CDC26: variants seen among roughly 807,000 people sequenced by gnomAD.
The protein encoded by CDC26 is anaphase-promoting complex subunit CDC26.
In CDC26, 2 loss-of-function variants were observed where a neutral mutation model predicts 8.0. The observed-to-expected ratio is 0.25, with a 90% CI of 0.10 to 0.79. The LOEUF (loss-of-function observed/expected upper bound fraction) is 0.79. Among genes scored for constraint, CDC26 ranks in the 30% least tolerant of loss-of-function variants. CDC26 has a pLI of 0.70. For synonymous variants in CDC26, 19 were observed against 34.9 expected (o/e 0.55, Z 1.60); for missense variants, 68 against 106.0 (o/e 0.64, Z 1.57).
intron 1 of CDC26, among the ~76,000 whole-genome samples, chr9:113,274,998 T>C (rs761815383): frequency 6.6e-5 from 10 of 152,048 alleles, no homozygotes; most frequent in Admixed American, 1.3e-4. Flanking sequence ...TTCCTATCCA[T>C]CATCTTACTC....
At chr9:113,272,653 T>TA in intron 2 of CDC26, 105 bp from the exon 3 acceptor site, 1 of 584,498 alleles carries the variant, frequency 1.7e-6, no homozygotes, top group Non-Finnish European at 3.1e-6. Flanking sequence ...ATGGAAATAT[T>TA]AAAAATTTAT....
chr9:113,272,746 C>A (rs748919989), intron 2 of CDC26, among the ~76,000 whole-genome samples, 198 bp from the exon 3 acceptor site: 30 of 149,728 alleles, frequency 2.0e-4, no homozygotes, highest in Non-Finnish European at 2.7e-4. Context: ...GGCTGGAGTG[C>A]AGTGGCATGA....
intron 3 of CDC26, among the ~76,000 whole-genome samples, chr9:113,271,888 A>G (rs1831962896): frequency 1.3e-5 from 2 of 152,154 alleles, no homozygotes; most frequent in Admixed American, 1.3e-4. Flanking sequence ...CCCAGTGTGG[A>G]GTACAGTGGA....
chr9:113,269,075 GC>G (rs1157643067), intron 3 of CDC26, among the ~76,000 whole-genome samples: 2 of 152,134 alleles, frequency 1.3e-5, no homozygotes, highest in African/African-American at 2.4e-5. Context: ...TTAAAAATTA[GC>G]CAGGCATGGT....
At chr9:113,272,660 T>G (rs770220154) in intron 2 of CDC26, 112 bp from the exon 3 acceptor site, 1 of 594,930 alleles carries the variant, frequency 1.7e-6, no homozygotes, top group East Asian at 2.9e-5. Flanking sequence ...TATTAAAAAT[T>G]TATTTGAATT....
intron 1 of CDC26, among the ~76,000 whole-genome samples, chr9:113,273,736 C>T (rs943892507): frequency 2.7e-5 from 4 of 146,798 alleles, no homozygotes; most frequent in African/African-American, 1.0e-4. Context: ...CCTAGCTACT[C>T]AGGAGGCTGA....
Position 113,267,165 on chromosome 9 carries a change from T to G in CDC26, c.*98A>C. On this transcript the variant is annotated 3_prime_UTR_variant, in exon 4 of 4. Transcript: ENST00000374206. ...AGATTTGTCTCTGCAGGAGGTACATTCTGCTTGACTGCAAGCACTCAATTC... is the reference window on the plus strand; with the variant it reads ...AGATTTGTCTCTGCAGGAGGTACATGCTGCTTGACTGCAAGCACTCAATTC... 1.5e-6 allele frequency: 1 copy of G among 668,002 alleles called. No individual in the cohort carries two copies. The highest frequency in any genetic ancestry group is 2.4e-6 in the Non-Finnish European group (1 of 411,328). The allele number at this position is 668,002 out of a possible 1,614,324, so 41.4% of individuals were successfully genotyped here. A position where few individuals can be genotyped will look rare whatever the true frequency, so the allele number is the denominator to read the frequency against.
chr9:113,274,570 A>ATGC (rs1385882843), intron 1 of CDC26, among the ~76,000 whole-genome samples: 3 of 152,214 alleles, frequency 2.0e-5, no homozygotes, highest in Admixed American at 2.0e-4. Flanking sequence ...CTTTTCTGCA[A>ATGC]ACTGCAAAAA....
At chr9:113,269,020 T>TG (rs1447897368) in intron 3 of CDC26, among the ~76,000 whole-genome samples, 1 of 151,534 alleles carries the variant, frequency 6.6e-6, no homozygotes, top group Admixed American at 6.6e-5. Flanking sequence ...CTCAAGGTGC[T>TG]GGGGTTTACA....
Position 113,267,332 on chromosome 9 carries a change from A to T in CDC26, c.189T>A (p.Asp63Glu). 1 of 1,598,578 alleles carries T rather than the reference A, an allele frequency of 6.3e-7. No homozygotes were observed. ...TGGGTTGGGGTTTATAACCAATCCG[A>T]TCATTGATCATTTGTTCCCGGCTCT... is the stretch of plus-strand genomic sequence containing the variant. ...DPKSREQMIN[D>E]RIGYKPQPKP... Residue 63 changes from aspartate (D) to glutamate (E), a missense_variant, in exon 4 of 4, where the codon GAT (aspartate) becomes GAA (glutamate). Coordinates refer to ENST00000374206, the MANE Select transcript of CDC26 (RefSeq NM_139286.4).
At chr9:113,268,190 G>A (rs1317348123) in intron 3 of CDC26, among the ~76,000 whole-genome samples, 1 of 152,156 alleles carries the variant, frequency 6.6e-6, no homozygotes, top group African/African-American at 2.4e-5. Flanking sequence ...AGACAAGTGA[G>A]AGCAAAGGGC....
At chr9:113,272,133 C>G (rs1219832871) in intron 3 of CDC26, among the ~76,000 whole-genome samples, 1 of 152,162 alleles carries the variant, frequency 6.6e-6, no homozygotes, top group Non-Finnish European at 1.5e-5. Context: ...AAGTTGTATT[C>G]ATGGCTGGGT....
chr9:113,271,505 G>A (rs181828009), intron 3 of CDC26, among the ~76,000 whole-genome samples: 2 of 152,232 alleles, frequency 1.3e-5, no homozygotes, highest in East Asian at 1.9e-4. Flanking sequence ...GCAGAGACTG[G>A]AGTGATACAG....
intron 3 of CDC26, among the ~76,000 whole-genome samples, chr9:113,270,755 G>A (rs1055766334): frequency 1.3e-5 from 2 of 152,186 alleles, no homozygotes; most frequent in Non-Finnish European, 1.5e-5. Flanking sequence ...AGGGTATAGA[G>A]AGCAAGGCAA....
At position 113,273,659 on chromosome 9, in the gene CDC26, C is replaced by T. The variant is rs1011007299; in HGVS notation, c.-151-221G>A. Among the ~76,000 whole-genome samples the T allele has an allele frequency of 4.6e-5, 7 of 151,786 alleles. No individual in the cohort carries two copies. In the East Asian group the frequency reaches 5.8e-4, roughly 13 times the overall value. Reference sequence around the variant, plus strand: ...GGAGGCTCAAGTACAGCTTTGGTAACGTAGCAAGACCCTGTCTCTACAAAA... The same window carrying T: ...GGAGGCTCAAGTACAGCTTTGGTAATGTAGCAAGACCCTGTCTCTACAAAA... On this transcript the variant is annotated intron_variant, in intron 1 of 3. Coordinates refer to ENST00000374206, the MANE Select transcript of CDC26 (RefSeq NM_139286.4).
chr9:113,268,229 T>C (rs1005606671), intron 3 of CDC26, among the ~76,000 whole-genome samples: 1 of 152,250 alleles, frequency 6.6e-6, no homozygotes, highest in African/African-American at 2.4e-5. Context: ...TTCTAGAGAA[T>C]AGAAAAATAA....
intron 1 of CDC26, among the ~76,000 whole-genome samples, chr9:113,275,072 G>A (rs1005509408): frequency 2.0e-5 from 3 of 152,100 alleles, no homozygotes; most frequent in African/African-American, 7.2e-5. Context: ...CTCCTCCGCC[G>A]GGTCTTTATT....
In CDC26 at chr9:113,275,153, A is replaced by G. The variant is rs138412855; in HGVS notation, c.-152+229T>C. On this transcript the variant is annotated intron_variant, in intron 1 of 3. Coordinates refer to ENST00000374206, the MANE Select transcript of CDC26 (RefSeq NM_139286.4). ...GCCCAAATCCACCGCCGAGCCATCAAGCTCAGAGGGGGAGCCTGGGAAGAC... is the reference window on the plus strand; with the variant it reads ...GCCCAAATCCACCGCCGAGCCATCAGGCTCAGAGGGGGAGCCTGGGAAGAC... Among the ~76,000 whole-genome samples the G allele has an allele frequency of 4.9e-3, 752 of 152,240 alleles. 2 individuals are homozygous for G. Among genetic ancestry groups the G allele is most frequent in the Middle Eastern group, 0.01 (3 of 294 alleles).
chr9:113,271,072 G>A (rs997126196), intron 3 of CDC26, among the ~76,000 whole-genome samples: 3 of 152,088 alleles, frequency 2.0e-5, no homozygotes, highest in Non-Finnish European at 2.9e-5. Context: ...ATATTCTGAA[G>A]GTAGAATCAA....
Sources: gnomAD v4.1 joint callset for allele counts (sites outside exome capture counted in the v4.1 genomes callset) on GRCh38, gnomAD v4.1.1 for gene constraint, MANE v1.5 for transcripts, NCBI Gene and HGNC (gene_info 2026-07-23, HGNC 2026-07-21) for gene names.